Variants in C10orf90 observed in about 807,000 individuals in gnomAD.
The protein encoded by C10orf90 is chromosome 10 open reading frame 90.
C10orf90 carries 56 observed loss-of-function variants against 62.5 expected under a neutral mutation model. The observed-to-expected ratio is 0.90, with a 90% CI of 0.72 to 1.12. The LOEUF is 1.12. Ranked by LOEUF, C10orf90 falls within the 50% of genes most tolerant of loss-of-function variation. C10orf90 has a pLI of 0.00. For synonymous variants in C10orf90, 386 were observed against 340.4 expected (o/e 1.13, Z -1.47); for missense variants, 970 against 880.4 (o/e 1.10, Z -1.29).
chr10:126,617,402 C>G (rs572805624), intron 2 of C10orf90, among the ~76,000 whole-genome samples: 136 of 152,320 alleles, frequency 8.9e-4, no homozygotes, highest in African/African-American at 3.2e-3. Flanking sequence ...ACACCACTGA[C>G]CTAAATACCT....
chr10:126,463,434 C>G (rs987581272), intron 5 of C10orf90: 1 of 152,282 alleles, frequency 6.6e-6, no homozygotes, highest in Non-Finnish European at 1.5e-5. Flanking sequence ...GTCTCTTCCT[C>G]TTCAAAGGCT....
chr10:126,552,761 T>G (rs1015466035), intron 2 of C10orf90, among the ~76,000 whole-genome samples: 17 of 152,368 alleles, frequency 1.1e-4, no homozygotes, highest in Middle Eastern at 3.4e-3. Flanking sequence ...CTTGAGCTCT[T>G]GCTGCATGGC....
At chr10:126,654,517 A>C (rs988434076) in intron 1 of C10orf90, among the ~76,000 whole-genome samples, 15 of 152,198 alleles carry the variant, frequency 9.9e-5, no homozygotes, top group African/African-American at 3.6e-4. Context: ...GCTTAGGGGA[A>C]TGTTGTGGCT....
chr10:126,542,867 A>G (rs994304622), intron 2 of C10orf90, among the ~76,000 whole-genome samples: 1 of 152,164 alleles, frequency 6.6e-6, no homozygotes, highest in Non-Finnish European at 1.5e-5. Context: ...TGATTCATCT[A>G]TTTCACTTAT....
chr10:126,525,265 C>T (rs372806287), intron 2 of C10orf90, among the ~76,000 whole-genome samples: 6 of 152,320 alleles, frequency 3.9e-5, no homozygotes, highest in South Asian at 4.2e-4. Flanking sequence ...CGCATTCGGC[C>T]CACTGCAAAG....
At chr10:126,640,385 G>A (rs752686179) in intron 2 of C10orf90, among the ~76,000 whole-genome samples, 1 of 152,232 alleles carries the variant, frequency 6.6e-6, no homozygotes, top group African/African-American at 2.4e-5. Context: ...TTGCCTGGGA[G>A]GATAAAGTGA....
At chr10:126,620,954 T>C (rs1389189805) in intron 2 of C10orf90, among the ~76,000 whole-genome samples, 1 of 152,240 alleles carries the variant, frequency 6.6e-6, no homozygotes, top group Non-Finnish European at 1.5e-5. Flanking sequence ...TGTTTTTTAA[T>C]TTGACATAAG....
At chr10:126,639,568 G>A (rs376161444) in intron 2 of C10orf90, among the ~76,000 whole-genome samples, 4 of 152,228 alleles carry the variant, frequency 2.6e-5, no homozygotes, top group Non-Finnish European at 4.4e-5. Flanking sequence ...AATGAGACAC[G>A]GGGCCTCCTG....
rs74158858 is a variant in C10orf90 at position 126,640,979 on chromosome 10, G to A, written c.313+5586C>T. ...AGAAATCTATGGGAAGGAGGCAGAT[G>A]GAGTGAGGTACAATGAAACGGTTTC... is the stretch of plus-strand genomic sequence containing the variant. On this transcript the variant is annotated intron_variant, in intron 2 of 9. Coordinates refer to ENST00000488181, the MANE Select transcript of C10orf90 (RefSeq NM_001350921.2). 3.6e-3 allele frequency among the ~76,000 whole-genome samples: 545 copies of A among 152,308 alleles called. 4 individuals are homozygous for A. The highest frequency in any genetic ancestry group is 0.013 in the African/African-American group (533 of 41,568).
intron 1 of C10orf90, among the ~76,000 whole-genome samples, chr10:126,650,549 C>G (rs1846271222): frequency 6.6e-6 from 1 of 152,084 alleles, no homozygotes; most frequent in Non-Finnish European, 1.5e-5. Flanking sequence ...TCACACCCCC[C>G]TAGTAATTTA....
At chr10:126,649,776 C>T (rs1347862603) in intron 1 of C10orf90, among the ~76,000 whole-genome samples, 2 of 152,188 alleles carry the variant, frequency 1.3e-5, no homozygotes, top group Non-Finnish European at 1.5e-5. Context: ...CTAATGGATT[C>T]CTCCTCACCC....
chr10:126,473,836 G>T (rs1273446914), intron 4 of C10orf90, among the ~76,000 whole-genome samples: 1 of 152,046 alleles, frequency 6.6e-6, no homozygotes, highest in African/African-American at 2.4e-5. Flanking sequence ...CCACTCTGGG[G>T]TTTCCAATTT....
At chr10:126,443,868 C>T (rs1858564130) in intron 7 of C10orf90, among the ~76,000 whole-genome samples, 1 of 152,046 alleles carries the variant, frequency 6.6e-6, no homozygotes, top group South Asian at 2.1e-4. Context: ...GATGGTTTAA[C>T]ATACACAAGT....
intron 4 of C10orf90, among the ~76,000 whole-genome samples, chr10:126,490,475 T>C (rs1861708346): frequency 6.6e-6 from 1 of 151,870 alleles, no homozygotes; most frequent in Admixed American, 6.6e-5. Flanking sequence ...GGGTGGTGGC[T>C]TCCAGGGAAT....
intron 1 of C10orf90, among the ~76,000 whole-genome samples, chr10:126,660,236 T>C (rs1846481207): frequency 6.6e-6 from 1 of 152,232 alleles, no homozygotes. Flanking sequence ...AGTTACATTA[T>C]ATGGCAAAAG....
At position 126,504,178 on chromosome 10, in the gene C10orf90, T is replaced by G. The variant is rs1862569951; in HGVS notation, c.1313A>C (p.Glu438Ala). 6.2e-7 allele frequency: 1 copy of G among 1,614,134 alleles called. No homozygotes were observed. Among genetic ancestry groups the G allele is most frequent in the East Asian group, 2.2e-5 (1 of 44,870 alleles). The change falls in exon 4 of 10, where the codon GAA (glutamate) becomes GCA (alanine). Residue 438 changes from glutamate to alanine, a missense_variant. By Grantham distance (107) the Glu-to-Ala change is moderately radical (BLOSUM62 -1). Coordinates refer to ENST00000488181, the MANE Select transcript of C10orf90 (RefSeq NM_001350921.2). The surrounding 1 kb of genome is among the most constrained non-coding windows in gnomAD (Gnocchi z 4.1). The part of the protein sequence containing the change: ...VGQRWNPGLQ[E>A]SHLKETPSLR... ...CGATGGGGTTTCCTTCAAGTGACTT[T>G]CTTGTAAACCTGGGTTCCAGCGCTG...
chr10:126,500,340 T>C (rs955856561), intron 4 of C10orf90, among the ~76,000 whole-genome samples: 1 of 152,150 alleles, frequency 6.6e-6, no homozygotes, highest in African/African-American at 2.4e-5. Flanking sequence ...CTAGCACCAA[T>C]TGGCCACGTG....
At chr10:126,575,943 A>G (rs769149663) in intron 2 of C10orf90, among the ~76,000 whole-genome samples, 2 of 152,140 alleles carry the variant, frequency 1.3e-5, no homozygotes, top group Non-Finnish European at 2.9e-5. Context: ...AAAGACCTAA[A>G]TGTAAGACCC....
chr10:126,537,017 G>A (rs117305462), intron 2 of C10orf90, among the ~76,000 whole-genome samples: 3,379 of 152,298 alleles, frequency 0.022, 54 homozygotes, highest in Middle Eastern at 0.034. Flanking sequence ...AAGATAACAG[G>A]TAATTGCTTT....
Sources: gnomAD v4.1 joint callset for allele counts (sites outside exome capture counted in the v4.1 genomes callset) on GRCh38, gnomAD v4.1.1 for gene constraint, Gnocchi (gnomAD v3.1) non-coding constraint, MANE v1.5 for transcripts, NCBI Gene and HGNC (gene_info 2026-07-23, HGNC 2026-07-21) for gene names.